DOCK3: variants seen among roughly 807,000 people sequenced by gnomAD.
DOCK3 encodes dedicator of cytokinesis protein 3.
A neutral mutation model predicts 265.6 loss-of-function variants in DOCK3; 60 were observed. The ratio of observed to expected loss-of-function variants is 0.23; its 90% CI spans 0.18 to 0.28. The LOEUF is 0.28. Among genes scored for constraint, DOCK3 ranks in the 10% least tolerant of loss-of-function variants. The pLI is 1.00. For synonymous variants in DOCK3, 881 were observed against 938.0 expected, an observed-to-expected ratio of 0.94 and a Z score of 1.11; for missense variants, 1,981 against 2,594.3, an observed-to-expected ratio of 0.76 and a Z score of 5.14.
intron 22 of DOCK3, among the ~76,000 whole-genome samples, chr3:51,248,318 G>C (rs1205527098): frequency 6.6e-6 from 1 of 152,276 alleles, no homozygotes; most frequent in Non-Finnish European, 1.5e-5. Context: ...TCAGCCTGCG[G>C]AGTGCCTGCA....
At chr3:51,079,070 A>C (rs2082141953) in intron 7 of DOCK3, among the ~76,000 whole-genome samples, 1 of 152,230 alleles carries the variant, frequency 6.6e-6, no homozygotes. Context: ...ATTCAAAAGA[A>C]TATCCTTTTA....
At chr3:50,985,202 A>G (rs991768490) in intron 5 of DOCK3, among the ~76,000 whole-genome samples, 2 of 152,234 alleles carry the variant, frequency 1.3e-5, no homozygotes, top group Non-Finnish European at 2.9e-5. Flanking sequence ...CTGAATGTGT[A>G]TTGACATATG....
chr3:51,011,996 G>A (rs1301647529), intron 5 of DOCK3, among the ~76,000 whole-genome samples: 3 of 152,148 alleles, frequency 2.0e-5, no homozygotes, highest in Non-Finnish European at 4.4e-5. Flanking sequence ...CTTTGTCTCA[G>A]AGGGGTAGAA....
At chr3:51,306,675 T>C (rs2082707546) in intron 27 of DOCK3, among the ~76,000 whole-genome samples, 1 of 152,230 alleles carries the variant, frequency 6.6e-6, no homozygotes, top group Non-Finnish European at 1.5e-5. Flanking sequence ...CTAGCTCAGA[T>C]CTGCTGCTGA....
intron 27 of DOCK3, among the ~76,000 whole-genome samples, chr3:51,300,313 T>C (rs541917916): frequency 6.6e-6 from 1 of 152,316 alleles, no homozygotes; most frequent in Non-Finnish European, 1.5e-5. Flanking sequence ...ACTGAGACAA[T>C]GGGGTTTTCT....
intron 27 of DOCK3, among the ~76,000 whole-genome samples, chr3:51,298,870 C>T (rs1299879927): frequency 6.6e-6 from 1 of 152,104 alleles, no homozygotes; most frequent in African/African-American, 2.4e-5. Flanking sequence ...CTGCAATGAA[C>T]ATACAAGTGC....
chr3:50,768,189 A>C (rs1229067935), intron 1 of DOCK3, among the ~76,000 whole-genome samples: 1 of 152,144 alleles, frequency 6.6e-6, no homozygotes. Flanking sequence ...TCCCTGTCCT[A>C]TGCCAGTTTT....
At position 51,249,266 on chromosome 3, in the gene DOCK3, G is replaced by A. The variant is rs1323500697; in HGVS notation, c.2184+2459G>A. On this transcript the variant is annotated intron_variant, in intron 22 of 52. Coordinates refer to ENST00000266037, the MANE Select transcript of DOCK3 (RefSeq NM_004947.5). Reference sequence around the variant, plus strand: ...AGGTGAGGGGCGCCTCTGCCCGGCCGCCCCTACTGGGAAGTGAGGAGCCCC... The same window carrying A: ...AGGTGAGGGGCGCCTCTGCCCGGCCACCCCTACTGGGAAGTGAGGAGCCCC... Among the ~76,000 whole-genome samples the A allele has an allele frequency of 5.6e-4, 74 of 132,670 alleles. 1 individual carries two copies. Among genetic ancestry groups the A allele is most frequent in the Non-Finnish European group, 6.2e-4 (38 of 61,462 alleles). 87.0% of individuals were successfully genotyped at this position (132,670 alleles called of 152,430 possible).
intron 22 of DOCK3, among the ~76,000 whole-genome samples, chr3:51,249,118 C>CTCT (rs2079012960): frequency 6.7e-6 from 1 of 148,938 alleles, no homozygotes; most frequent in African/African-American, 2.5e-5. Context: ...GTCAGCCCCC[C>CTCT]GCCAGGCCAG....
intron 9 of DOCK3, among the ~76,000 whole-genome samples, chr3:51,093,344 T>C (rs1036195963): frequency 1.3e-5 from 2 of 152,186 alleles, no homozygotes; most frequent in Admixed American, 1.3e-4. Flanking sequence ...GTTTGTGTCC[T>C]CTCTGATTTC....
chr3:50,906,719 G>A (rs1261647697), intron 4 of DOCK3, among the ~76,000 whole-genome samples: 1 of 151,868 alleles, frequency 6.6e-6, no homozygotes, highest in African/African-American at 2.4e-5. Flanking sequence ...TGGCTTCATT[G>A]ATTTTTTTGA....
chr3:51,209,994 T>C (rs1245235714), intron 13 of DOCK3, among the ~76,000 whole-genome samples: 1 of 152,238 alleles, frequency 6.6e-6, no homozygotes, highest in African/African-American at 2.4e-5. Flanking sequence ...AAATTTTGTT[T>C]TAAAAATATA....
At chr3:50,918,246 A>G (rs1327489344) in intron 4 of DOCK3, among the ~76,000 whole-genome samples, 1 of 152,148 alleles carries the variant, frequency 6.6e-6, no homozygotes. Context: ...TTATAGTAGC[A>G]TGCTTTATAA....
In DOCK3 at chr3:51,312,092, G is replaced by A. The variant is rs1466116558; in HGVS notation, c.3093+13G>A. On this transcript the variant is annotated intron_variant, in intron 29 of 52. Transcript: ENST00000266037. ...CTTTGACTTTAAGGTAGGCACTCCT[G>A]AAATATCCATCACTATTATTGCAAT... is the stretch of plus-strand genomic sequence containing the variant. The A allele has an allele frequency of 6.3e-7, 1 of 1,589,510 alleles. No homozygotes were observed. Among genetic ancestry groups the A allele is most frequent in the South Asian group, 1.1e-5 (1 of 87,420 alleles).
At chr3:51,312,303 A>G (rs2083113715) in intron 29 of DOCK3, among the ~76,000 whole-genome samples, 173 bp from the exon 30 acceptor site, 1 of 152,186 alleles carries the variant, frequency 6.6e-6, no homozygotes, top group South Asian at 2.1e-4. Context: ...CTTCAGAAGG[A>G]GTTAAGGGGG....
At position 50,806,712 on chromosome 3, in the gene DOCK3, G is replaced by A. The variant is rs145506086; in HGVS notation, c.121+27954G>A. On this transcript the variant is annotated intron_variant, in intron 2 of 52. Transcript: ENST00000266037. ...GGCATTTAGCCATCTGTGGGTGCTT[G>A]GCATAATGAAGATGGAGCCCCATTG... Among the ~76,000 whole-genome samples, 236 of 152,120 alleles carry A rather than the reference G, an allele frequency of 1.6e-3. 2 individuals carry two copies. Among genetic ancestry groups the A allele is most frequent in the East Asian group, 7.8e-3 (40 of 5,148 alleles).
chr3:50,915,791 T>G (rs1008616493), intron 4 of DOCK3, among the ~76,000 whole-genome samples: 1 of 151,952 alleles, frequency 6.6e-6, no homozygotes, highest in African/African-American at 2.4e-5. Context: ...TGGGGAGGCA[T>G]GACTGCTCTA....
At chr3:50,949,440 C>T (rs1276686715) in intron 5 of DOCK3, among the ~76,000 whole-genome samples, 1 of 152,088 alleles carries the variant, frequency 6.6e-6, no homozygotes. Context: ...AAAAATTTAT[C>T]CATTTCATTG....
chr3:50,727,738 A>G (rs1217412633), intron 1 of DOCK3, among the ~76,000 whole-genome samples: 3 of 152,190 alleles, frequency 2.0e-5, no homozygotes, highest in African/African-American at 4.8e-5. Flanking sequence ...GGGTCAATTT[A>G]TTGAAGATAT....
Sources: allele counts gnomAD v4.1 joint callset (sites outside exome capture counted in the v4.1 genomes callset), GRCh38; gene constraint gnomAD v4.1.1; transcripts MANE v1.5; gene names NCBI Gene and HGNC (gene_info 2026-07-23, HGNC 2026-07-21).